ALOXE3: variants seen among roughly 807,000 people sequenced by gnomAD.
ALOXE3 encodes the protein arachidonate epidermal lipoxygenase 3.
Under a neutral mutation model 87.5 loss-of-function variants are expected in ALOXE3, and 78 were observed. The observed-to-expected ratio is 0.89, with a 90% CI of 0.74 to 1.08. ALOXE3 has a LOEUF of 1.08. Among genes scored for constraint, ALOXE3 ranks in the 50% least tolerant of loss-of-function variants. The pLI, the probability that ALOXE3 is intolerant of heterozygous loss-of-function variation, is 0.00. For synonymous variants in ALOXE3, 363 were observed against 370.8 expected, an observed-to-expected ratio of 0.98 and a Z score of 0.24; for missense variants, 946 against 912.4, an observed-to-expected ratio of 1.04 and a Z score of -0.47.
Position 8,118,109 on chromosome 17 carries a change from G to T in ALOXE3, c.-119C>A, listed in dbSNP as rs1480908738. 2.6e-6 allele frequency: 4 copies of T among 1,552,334 alleles called. No individual in the cohort carries two copies. The highest frequency in any genetic ancestry group is 2.4e-5 in the East Asian group (1 of 41,220). On this transcript the variant is annotated 5_prime_UTR_variant, in exon 2 of 16. Coordinates refer to ENST00000448843, the MANE Select transcript of ALOXE3 (RefSeq NM_021628.3). Reference sequence around the variant, plus strand: ...TGGGCGGAGGGCTAGGGGCTGCGGGGCTGGGTAGGGCTGAGGATGGGCCCA... The same window carrying T: ...TGGGCGGAGGGCTAGGGGCTGCGGGTCTGGGTAGGGCTGAGGATGGGCCCA...
At chr17:8,097,994 G>A (rs1191830001) in intron 15 of ALOXE3, among the ~76,000 whole-genome samples, 3 of 151,764 alleles carry the variant, frequency 2.0e-5, no homozygotes, top group African/African-American at 4.8e-5. Flanking sequence ...TGATCTGCCC[G>A]CCTCGGCCTC....
At position 8,109,882 on chromosome 17, in the gene ALOXE3, G is replaced by A. The variant is rs990769515; in HGVS notation, c.1392+34C>T. 6 of 1,538,372 alleles carry A rather than the reference G, an allele frequency of 3.9e-6. No individual in the cohort carries two copies. In the Admixed American group the frequency reaches 7.9e-5, roughly 20 times the overall value. Reference sequence around the variant, plus strand: ...GGTAGCGGGGCAAAGCGTCTTCGGGGGCGGAGATCAGTGACCCGGCAGGGA... The same window carrying A: ...GGTAGCGGGGCAAAGCGTCTTCGGGAGCGGAGATCAGTGACCCGGCAGGGA... On this transcript the variant is annotated intron_variant, in intron 11 of 15. Coordinates refer to ENST00000448843, the MANE Select transcript of ALOXE3 (RefSeq NM_021628.3).
chr17:8,104,847 A>G (rs144274454), intron 13 of ALOXE3, among the ~76,000 whole-genome samples: 2 of 152,296 alleles, frequency 1.3e-5, no homozygotes, highest in Non-Finnish European at 2.9e-5. Flanking sequence ...TCAGGATTGG[A>G]GAGGGGAGAG....
chr17:8,097,677 C>G (rs1473959935), intron 15 of ALOXE3, among the ~76,000 whole-genome samples: 1 of 152,086 alleles, frequency 6.6e-6, no homozygotes, highest in African/African-American at 2.4e-5. Flanking sequence ...ACGCAGAGGT[C>G]CAGCCTCCTA....
intron 8 of ALOXE3, 96 bp from the exon 9 acceptor site, chr17:8,110,624 GC>G: frequency 1.3e-6 from 2 of 1,544,248 alleles, no homozygotes; most frequent in Admixed American, 1.8e-5. Context: ...AGGAGCTGAG[GC>G]CCCCAGCTGA....
At chr17:8,114,335 G>T in intron 6 of ALOXE3, 149 bp downstream of exon 6, 2 of 1,113,804 alleles carry the variant, frequency 1.8e-6, no homozygotes, top group South Asian at 1.3e-5. Flanking sequence ...GAAGACTGTG[G>T]GGCAGGGAGA....
intron 13 of ALOXE3, among the ~76,000 whole-genome samples, chr17:8,107,963 AAGGAGAGAGAGAGAGAG>A (rs1479884207): frequency 0.014 from 39 of 2,770 alleles, 6 homozygotes; most frequent in Non-Finnish European, 0.021. Flanking sequence ...GAAAGAAAGG[AAGGAGAGAGAGAGAGAG>A]AGAAAGAAAG....
At chr17:8,109,013 C>T (rs943613673) in intron 12 of ALOXE3, among the ~76,000 whole-genome samples, 161 bp downstream of exon 12, 2 of 152,200 alleles carry the variant, frequency 1.3e-5, no homozygotes, top group Admixed American at 6.5e-5. Context: ...CAGCTACCTG[C>T]CATTTCAGAA....
chr17:8,112,887 T>C (rs1980225170), intron 6 of ALOXE3, among the ~76,000 whole-genome samples: 1 of 152,122 alleles, frequency 6.6e-6, no homozygotes, highest in Non-Finnish European at 1.5e-5. Flanking sequence ...TTCAAACTCC[T>C]GGGCTCAAGC....
Position 8,110,984 on chromosome 17 carries a change from C to T in ALOXE3, c.957+375G>A, listed in dbSNP as rs376982033. On this transcript the variant is annotated intron_variant, in intron 8 of 15. Transcript: ENST00000448843. Reference sequence around the variant, plus strand: ...GACAACCTCAGAGCTCCTAGTTCTCCGTGATCTTCCCTGATGCATCTGGTG... The same window carrying T: ...GACAACCTCAGAGCTCCTAGTTCTCTGTGATCTTCCCTGATGCATCTGGTG... 2.0e-4 allele frequency among the ~76,000 whole-genome samples: 31 copies of T among 152,308 alleles called. No individual in the cohort carries two copies. The South Asian group carries it at 5.0e-3, about 24-fold the overall frequency.
upstream of ALOXE3, chr17:8,118,716 A>G (rs369523983): frequency 3.6e-4 from 560 of 1,537,294 alleles, 3 homozygotes; most frequent in African/African-American, 6.7e-3. Flanking sequence ...GCTCTGGAGT[A>G]GGGCAGGTCA....
chr17:8,096,262 T>C lies in ALOXE3; in HGVS notation c.*365A>G. ...TAGAAAGGCATGGTAGGAGAAGGAGTTTGGGGATTGGGGAGGATGAGGGAG... is the reference window on the plus strand; with the variant it reads ...TAGAAAGGCATGGTAGGAGAAGGAGCTTGGGGATTGGGGAGGATGAGGGAG... On this transcript the variant is annotated 3_prime_UTR_variant, in exon 16 of 16. Coordinates refer to ENST00000448843, the MANE Select transcript of ALOXE3 (RefSeq NM_021628.3). The C allele has an allele frequency of 4.6e-6, 1 of 218,972 alleles. No homozygotes were observed. Among genetic ancestry groups the C allele is most frequent in the South Asian group, 7.7e-5 (1 of 12,922 alleles). The allele number at this position is 218,972 out of a possible 1,614,324, so 13.6% of individuals were successfully genotyped here.
rs1979878498 is a variant in ALOXE3, at chr17:8,109,897, C to A, written c.1392+19G>T. On this transcript the variant is annotated intron_variant, in intron 11 of 15. Coordinates refer to ENST00000448843, the MANE Select transcript of ALOXE3 (RefSeq NM_021628.3). The stretch of plus-strand genomic sequence containing the variant: ...CGTCTTCGGGGGCGGAGATCAGTGA[C>A]CCGGCAGGGAGGCCGCACCTGGTCC... 1.9e-6 allele frequency: 3 copies of A among 1,546,944 alleles called. No individual in the cohort carries two copies. Among genetic ancestry groups the A allele is most frequent in the Non-Finnish European group, 2.6e-6 (3 of 1,145,268 alleles).
In ALOXE3 at chr17:8,110,148, C is replaced by T. The variant is rs1567999486; in HGVS notation, c.1249G>A (p.Glu417Lys). The T allele has an allele frequency of 6.2e-7, 1 of 1,613,986 alleles. No homozygotes were observed. Among genetic ancestry groups the T allele is most frequent in the Non-Finnish European group, 8.5e-7 (1 of 1,179,912 alleles). ...CGCAGCGTGGCCATGGCGAAGGCCT[C>T]GCACAGCAAATGCGTGCACAGAAAG... ...THFLCTHLLC[E>K]AFAMATLRQL... is the part of the protein sequence containing the mutation. The change falls in exon 10 of 16, where the codon GAG (glutamate) becomes AAG (lysine). Residue 417 changes from glutamate to lysine, a missense_variant. Physicochemically the swap from Glu to Lys is moderately conservative, Grantham distance 56 (BLOSUM62 1). Transcript: ENST00000448843.
rs1979217868 is a variant in ALOXE3, at chr17:8,105,345, T to C, written c.1685-1130A>G. Among the ~76,000 whole-genome samples, 9 of 135,896 alleles carry C rather than the reference T, an allele frequency of 6.6e-5. No homozygotes were observed. In the South Asian group the frequency reaches 2.1e-3, roughly 32 times the overall value. The allele number at this position is 135,896 out of a possible 152,430, so 89.2% of individuals were successfully genotyped here. ...CAATTATCTTCAGAACTAGCACCTC[T>C]CCTTCCTTCAGCTACTAATGCATCA... On this transcript the variant is annotated intron_variant, in intron 13 of 15. Transcript: ENST00000448843.
rs940831256 is a variant in ALOXE3 at position 8,112,284 on chromosome 17, C to T, written c.681-88G>A. 1.3e-4 allele frequency: 124 copies of T among 978,148 alleles called. 2 individuals carry two copies. The highest frequency in any genetic ancestry group is 8.4e-4 in the South Asian group (64 of 75,912). The allele number at this position is 978,148 out of a possible 1,614,324, so 60.6% of individuals were successfully genotyped here. A position where few individuals can be genotyped will look rare whatever the true frequency, so the allele number is the denominator to read the frequency against. On this transcript the variant is annotated intron_variant, in intron 6 of 15. Coordinates refer to ENST00000448843, the MANE Select transcript of ALOXE3 (RefSeq NM_021628.3). The stretch of plus-strand genomic sequence containing the variant: ...GTGCCCCTCTGCCTGGAGGAACTGA[C>T]GGGGTCCATCCCCAGAGTAGAGATG...
chr17:8,117,319 C>T (rs369556901), intron 2 of ALOXE3, among the ~76,000 whole-genome samples: 2 of 152,190 alleles, frequency 1.3e-5, no homozygotes, highest in African/African-American at 4.8e-5. Context: ...ACTTGGGAGG[C>T]TGAGGCAGGA....
intron 2 of ALOXE3, 21 bp downstream of exon 2, chr17:8,117,823 C>T (rs972307619): frequency 5.0e-6 from 8 of 1,607,978 alleles, no homozygotes; most frequent in South Asian, 2.2e-5. Context: ...GGTCGCGCTT[C>T]CCTGTCTCCT....
At chr17:8,111,917 C>T (rs1221915721) in intron 7 of ALOXE3, among the ~76,000 whole-genome samples, 176 bp downstream of exon 7, 8 of 152,154 alleles carry the variant, frequency 5.3e-5, no homozygotes, top group South Asian at 4.1e-4. Flanking sequence ...AGAGAAGGTG[C>T]TTTGTTCTCC....
Sources: gnomAD v4.1 joint callset for allele counts (sites outside exome capture counted in the v4.1 genomes callset) on GRCh38, gnomAD v4.1.1 for gene constraint, MANE v1.5 for transcripts, NCBI Gene and HGNC (gene_info 2026-07-23, HGNC 2026-07-21) for gene names.